The following HERC6 variants were observed in gnomAD, a reference collection of about 807,000 sequenced individuals.
The protein encoded by HERC6 is HECT and RLD domain containing E3 ubiquitin protein ligase family member 6.
HERC6 carries 101 observed loss-of-function variants against 114.5 expected under a neutral mutation model. The observed-to-expected ratio is 0.88, with a 90% CI of 0.75 to 1.04. The LOEUF (loss-of-function observed/expected upper bound fraction) is 1.04. Ranked by LOEUF, HERC6 falls within the 50% of genes least tolerant of loss-of-function variation. The pLI is 0.00. For synonymous variants in HERC6, 408 were observed against 436.2 expected (o/e 0.94, Z 0.81); for missense variants, 1,133 against 1,230.9 (o/e 0.92, Z 1.19).
chr4:88,437,760 T>C lies in HERC6; in HGVS notation c.2534T>C (p.Ile845Thr), dbSNP rs1397058040. Residue 845 changes from isoleucine to threonine, a missense_variant, in exon 20 of 23, where the codon ATA (isoleucine) becomes ACA (threonine). This residue lies in a region of HERC6 where 388 missense variants were observed against 445.9 expected (regional missense o/e 0.87). Coordinates refer to ENST00000264346, the MANE Select transcript of HERC6 (RefSeq NM_017912.4). ...GACTTAATTCCAAATGGGATCTCCA[T>C]ACCTGTGGACCAAACCAACAAGTAA... is the stretch of plus-strand genomic sequence containing the variant. ...DVDLIPNGIS[I>T]PVDQTNKRDY... 1.2e-6 allele frequency: 2 copies of C among 1,607,846 alleles called. No individual in the cohort carries two copies. The highest frequency in any genetic ancestry group is 2.2e-5 in the South Asian group (2 of 89,596).
chr4:88,420,603 G>A (rs1335757539), intron 13 of HERC6, among the ~76,000 whole-genome samples: 1 of 151,860 alleles, frequency 6.6e-6, no homozygotes, highest in Non-Finnish European at 1.5e-5. Flanking sequence ...TATTTTATGT[G>A]GTTATATATC....
At chr4:88,404,748 C>G in intron 8 of HERC6, 128 bp from the exon 9 acceptor site, 1 of 1,207,860 alleles carries the variant, frequency 8.3e-7, no homozygotes, top group Non-Finnish European at 1.1e-6. Context: ...CGCCAAAGCT[C>G]CTCCCACCAA....
At chr4:88,431,440 T>C (rs1422388623) in intron 17 of HERC6, 135 bp downstream of exon 17, 21 of 1,035,620 alleles carry the variant, frequency 2.0e-5, no homozygotes, top group Non-Finnish European at 5.5e-6. Context: ...AGTACTCGTA[T>C]GGTTCACAGA....
Position 88,396,885 on chromosome 4 carries a change from C to T in HERC6, c.922C>T (p.Gln308Ter), listed in dbSNP as rs778197112. Residue 308 changes from glutamine to a stop codon, truncating the protein, a stop_gained, in exon 7 of 23, where the codon CAG becomes TAG. Transcript: ENST00000264346. LOFTEE classifies it high-confidence loss of function. ...HTLAYVHTTG[Q>*]VVSFGHGPSD... Reference sequence around the variant, plus strand: ...CCTGGCATATGTGCACACCACTGGTCAGGTGGTATCTTTTGGTCATGGACC... The same window carrying T: ...CCTGGCATATGTGCACACCACTGGTTAGGTGGTATCTTTTGGTCATGGACC... The T allele has an allele frequency of 6.2e-7, 1 of 1,605,458 alleles. No homozygotes were observed. The highest frequency in any genetic ancestry group is 8.5e-7 in the Non-Finnish European group (1 of 1,174,768).
At position 88,440,379 on chromosome 4, in the gene HERC6, C is replaced by T. The variant is rs879172948; in HGVS notation, c.2842+129C>T. The T allele has an allele frequency of 3.0e-5, 19 of 628,024 alleles. No homozygotes were observed. The South Asian group carries it at 3.8e-4, about 12-fold the overall frequency. 38.9% of individuals were successfully genotyped at this position (628,024 alleles called of 1,614,324 possible). On this transcript the variant is annotated intron_variant, in intron 22 of 22. Coordinates refer to ENST00000264346, the MANE Select transcript of HERC6 (RefSeq NM_017912.4). ...CACCCAAGGTTCTTTGTCTCACAGC[C>T]ATGGAGATCAAGGACATGGACACAC...
At chr4:88,424,510 C>A in intron 14 of HERC6, 85 bp from the exon 15 acceptor site, 1 of 1,012,200 alleles carries the variant, frequency 9.9e-7, no homozygotes, top group Middle Eastern at 2.2e-4. Context: ...AACCAGATTC[C>A]AAAAAAAAGG....
intron 22 of HERC6, among the ~76,000 whole-genome samples, chr4:88,440,939 G>A (rs1035588111): frequency 1.3e-5 from 2 of 152,060 alleles, no homozygotes; most frequent in African/African-American, 4.8e-5. Context: ...TTCTATCTCT[G>A]TATCACCATT....
intron 5 of HERC6, among the ~76,000 whole-genome samples, chr4:88,393,902 A>G (rs1438207720): frequency 2.6e-5 from 4 of 152,156 alleles, no homozygotes; most frequent in Non-Finnish European, 4.4e-5. Flanking sequence ...GAGGGCACTA[A>G]TCCCATTGAT....
intron 5 of HERC6, among the ~76,000 whole-genome samples, chr4:88,395,313 C>G (rs908624467): frequency 4.6e-5 from 7 of 152,234 alleles, no homozygotes; most frequent in Middle Eastern, 3.4e-3. Context: ...GGAAAATGCT[C>G]AAATAAATTC....
intron 15 of HERC6, among the ~76,000 whole-genome samples, chr4:88,428,181 G>A (rs1363973695): frequency 6.6e-6 from 1 of 152,140 alleles, no homozygotes; most frequent in Non-Finnish European, 1.5e-5. Context: ...CTCTTATACT[G>A]TCTTTATATT....
intron 5 of HERC6, among the ~76,000 whole-genome samples, chr4:88,394,576 G>A (rs748586127): frequency 3.4e-4 from 50 of 148,632 alleles, no homozygotes; most frequent in Non-Finnish European, 6.8e-4. Flanking sequence ...ACAGAATCTC[G>A]CTCAGTCGCC....
chr4:88,389,487 ATGGT>A (rs1249391090), intron 3 of HERC6, among the ~76,000 whole-genome samples: 3 of 152,056 alleles, frequency 2.0e-5, no homozygotes, highest in Admixed American at 6.6e-5. Context: ...GAGGTGAGAA[ATGGT>A]TGGATTCTGG....
At chr4:88,433,099 G>A (rs1738407994) in intron 17 of HERC6, among the ~76,000 whole-genome samples, 1 of 151,954 alleles carries the variant, frequency 6.6e-6, no homozygotes. Flanking sequence ...AAAAAGAAAA[G>A]TAACAAAAAA....
At chr4:88,379,183 T>G in intron 1 of HERC6, 63 bp downstream of exon 1, 1 of 1,310,982 alleles carries the variant, frequency 7.6e-7, no homozygotes, top group African/African-American at 1.5e-5. Flanking sequence ...GGGGCTTGGG[T>G]ACCGGGCGCA....
chr4:88,438,743 T>A (rs1222508440), intron 20 of HERC6, among the ~76,000 whole-genome samples: 1 of 152,176 alleles, frequency 6.6e-6, no homozygotes, highest in Non-Finnish European at 1.5e-5. Flanking sequence ...TCAGCCACAG[T>A]GGGAATATTA....
intron 5 of HERC6, among the ~76,000 whole-genome samples, chr4:88,394,820 C>T (rs1327601676): frequency 6.6e-6 from 1 of 152,158 alleles, no homozygotes; most frequent in Non-Finnish European, 1.5e-5. Context: ...GTTGAGATTA[C>T]AGGCATGAGC....
intron 15 of HERC6, among the ~76,000 whole-genome samples, chr4:88,425,366 G>A (rs1442903071): frequency 6.6e-6 from 1 of 152,026 alleles, no homozygotes. Context: ...ATTTCTCCTT[G>A]TTATTTAATG....
At chr4:88,397,008 T>G (rs767856975) in intron 7 of HERC6, 21 bp downstream of exon 7, 1 of 1,600,658 alleles carries the variant, frequency 6.2e-7, no homozygotes, top group Non-Finnish European at 8.5e-7. Context: ...CACTAATTCA[T>G]GATTTTGTGT....
chr4:88,413,362 C>A, intron 12 of HERC6, 96 bp downstream of exon 12: 3 of 798,556 alleles, frequency 3.8e-6, no homozygotes, highest in Admixed American at 3.0e-5. Context: ...TCAAAATAGA[C>A]AAGTATTTGA....
Sources: gnomAD v4.1 joint callset for allele counts (sites outside exome capture counted in the v4.1 genomes callset) on GRCh38, gnomAD v4.1.1 for gene constraint, gnomAD v4.1.1 regional missense constraint, MANE v1.5 for transcripts, NCBI Gene and HGNC (gene_info 2026-07-23, HGNC 2026-07-21) for gene names.